Variants in PTPDC1 observed in about 807,000 individuals in gnomAD.
The protein encoded by PTPDC1 is protein tyrosine phosphatase domain-containing protein 1.
In PTPDC1, 53 loss-of-function variants were observed where a neutral mutation model predicts 75.3. That is an observed-to-expected ratio of 0.70 (90% CI 0.56 to 0.88). The LOEUF (loss-of-function observed/expected upper bound fraction) is 0.88. Ranked by LOEUF, PTPDC1 falls within the 40% of genes least tolerant of loss-of-function variation. The pLI, the probability that PTPDC1 is intolerant of heterozygous loss-of-function variation, is 0.00. For missense variants in PTPDC1, 925 were observed against 998.6 expected, an observed-to-expected ratio of 0.93 and a Z score of 0.99; for synonymous variants, 349 against 366.2, an observed-to-expected ratio of 0.95 and a Z score of 0.54.
In PTPDC1 at chr9:94,104,391, T is replaced by C. The variant is rs1488133112; in HGVS notation, c.2310+6T>C. ...CCATTAAGGCATTCACTAAGGTGGG[T>C]CATACTCTTCCTTTCCCCTCTCTGA... On this transcript the variant is annotated splice_donor_region_variant and intron_variant, in intron 8 of 8. Coordinates refer to ENST00000620992, the MANE Select transcript of PTPDC1 (RefSeq NM_001253829.2). The C allele has an allele frequency of 3.2e-6, 5 of 1,579,116 alleles. No homozygotes were observed. The highest frequency in any genetic ancestry group is 4.4e-6 in the Non-Finnish European group (5 of 1,148,966).
At chr9:94,076,799 A>G (rs1161610590) in intron 2 of PTPDC1, among the ~76,000 whole-genome samples, 1 of 152,220 alleles carries the variant, frequency 6.6e-6, no homozygotes, top group Non-Finnish European at 1.5e-5. Context: ...ACCCACCAGC[A>G]GTAGATAAGG....
At chr9:94,101,818 A>T in intron 7 of PTPDC1, 67 bp downstream of exon 7, 1 of 898,206 alleles carries the variant, frequency 1.1e-6, no homozygotes, top group Non-Finnish European at 1.7e-6. Context: ...CAGAAAAAAA[A>T]AATCCATTAT....
chr9:94,070,027 G>T (rs1826458574), intron 2 of PTPDC1, among the ~76,000 whole-genome samples: 1 of 150,614 alleles, frequency 6.6e-6, no homozygotes, highest in Non-Finnish European at 1.5e-5. Flanking sequence ...GGTTTCACCG[G>T]TTAGCCAGGA....
At chr9:94,104,456 G>A in intron 8 of PTPDC1, 71 bp downstream of exon 8, 2 of 985,918 alleles carry the variant, frequency 2.0e-6, no homozygotes, top group Non-Finnish European at 3.2e-6. Flanking sequence ...AGAATCCAGA[G>A]GTCACCGTCC....
chr9:94,047,155 T>G (rs888191177), intron 1 of PTPDC1, among the ~76,000 whole-genome samples: 3 of 152,232 alleles, frequency 2.0e-5, no homozygotes, highest in Non-Finnish European at 4.4e-5. Context: ...ATTTATTGAT[T>G]TGTGTATGTT....
chr9:94,066,876 A>G (rs1208817781), intron 2 of PTPDC1, among the ~76,000 whole-genome samples: 1 of 152,310 alleles, frequency 6.6e-6, no homozygotes, highest in East Asian at 1.9e-4. Context: ...ATTAAAAAAT[A>G]AAAAATAAAA....
intron 2 of PTPDC1, 44 bp from the exon 3 acceptor site, chr9:94,087,787 C>G (rs1021586195): frequency 1.4e-6 from 2 of 1,413,018 alleles, no homozygotes; most frequent in African/African-American, 2.8e-5. Flanking sequence ...ACTGGAACTT[C>G]CTAGGTTTCA....
rs1403672945 is a variant in PTPDC1 at position 94,108,098 on chromosome 9, C to G, written c.*154C>G. On this transcript the variant is annotated 3_prime_UTR_variant, in exon 9 of 9. Coordinates refer to ENST00000620992, the MANE Select transcript of PTPDC1 (RefSeq NM_001253829.2). ...TGAGAATGGTCGTCCGTATTTGAAC[C>G]AATTATTTATTTTAAAATATATTTA... The G allele has an allele frequency of 2.5e-6, 1 of 407,814 alleles. No homozygotes were observed. The highest frequency in any genetic ancestry group is 4.4e-6 in the Non-Finnish European group (1 of 226,830). The allele number at this position is 407,814 out of a possible 1,614,324, so 25.3% of individuals were successfully genotyped here.
chr9:94,108,733 T>A lies in PTPDC1; in HGVS notation c.*789T>A, dbSNP rs1434777170. ...GGTTGCTGCTGAGCCAAATAGCATC[T>A]TTACAGAGGAAGTGGGATCAGAGGC... is the stretch of plus-strand genomic sequence containing the variant. On this transcript the variant is annotated 3_prime_UTR_variant, in exon 9 of 9. Transcript: ENST00000620992. The A allele has an allele frequency of 6.6e-6, 1 of 152,268 alleles. No homozygotes were observed. Among genetic ancestry groups the A allele is most frequent in the African/African-American group, 2.4e-5 (1 of 41,454 alleles). The allele number at this position is 152,268 out of a possible 1,614,324, so 9.4% of individuals were successfully genotyped here.
rs16909677 is a variant in PTPDC1, at chr9:94,098,440, T to A, written c.1874T>A (p.Leu625Gln). 2.9e-3 allele frequency: 4,668 copies of A among 1,614,206 alleles called. 240 individuals carry two copies. The East Asian group carries it at 0.095, about 33-fold the overall frequency. ...VEHETQDSKD[L>Q]SEAASHSALQ... Reference sequence around the variant, plus strand: ...CATGAAACCCAGGACAGTAAAGATCTGTCTGAAGCAGCTTCACACTCTGCA... The same window carrying A: ...CATGAAACCCAGGACAGTAAAGATCAGTCTGAAGCAGCTTCACACTCTGCA... Residue 625 changes from leucine (L) to glutamine (Q), a missense_variant, in exon 6 of 9, where the codon CTG becomes CAG. Coordinates refer to ENST00000620992, the MANE Select transcript of PTPDC1 (RefSeq NM_001253829.2).
intron 1 of PTPDC1, among the ~76,000 whole-genome samples, chr9:94,034,318 G>A (rs1308843269): frequency 6.6e-6 from 1 of 152,142 alleles, no homozygotes; most frequent in Non-Finnish European, 1.5e-5. Context: ...GATCACCTGA[G>A]GTCAGGAGTT....
At chr9:94,049,317 T>C (rs1825713667) in intron 1 of PTPDC1, among the ~76,000 whole-genome samples, 1 of 152,248 alleles carries the variant, frequency 6.6e-6, no homozygotes, top group Admixed American at 6.5e-5. Flanking sequence ...CTTGATGGTC[T>C]TTACAATTTG....
chr9:94,092,467 G>A (rs1440973373), intron 4 of PTPDC1, among the ~76,000 whole-genome samples: 3 of 143,078 alleles, frequency 2.1e-5, no homozygotes, highest in African/African-American at 5.2e-5. Context: ...TATAATTTCT[G>A]TTCTTTTACA....
intron 2 of PTPDC1, among the ~76,000 whole-genome samples, chr9:94,070,647 C>T (rs1826481166): frequency 6.6e-6 from 1 of 152,204 alleles, no homozygotes. Context: ...ATCCCTCCTA[C>T]TTCCTTTATA....
chr9:94,044,929 G>C (rs1425650788), intron 1 of PTPDC1, among the ~76,000 whole-genome samples: 1 of 150,474 alleles, frequency 6.6e-6, no homozygotes, highest in Non-Finnish European at 1.5e-5. Context: ...TGCCATGTTG[G>C]TGTGCTGCAC....
At chr9:94,047,871 G>T (rs1444278654) in intron 1 of PTPDC1, among the ~76,000 whole-genome samples, 2 of 152,146 alleles carry the variant, frequency 1.3e-5, no homozygotes, top group Non-Finnish European at 2.9e-5. Flanking sequence ...AAACCAGGAA[G>T]AAGTTGAATA....
In PTPDC1 at chr9:94,107,342, A is replaced by G. The variant is rs1187566855; in HGVS notation, c.2311-486A>G. ...GGGTATCATTATCTCTGTTTTACAA[A>G]GGAGGAGATCAAGGTCCAGAGAGGT... On this transcript the variant is annotated intron_variant, in intron 8 of 8. Transcript: ENST00000620992. Among the ~76,000 whole-genome samples the G allele has an allele frequency of 3.3e-5, 5 of 152,334 alleles. No homozygotes were observed. In the East Asian group the frequency reaches 9.6e-4, roughly 29 times the overall value.
intron 4 of PTPDC1, among the ~76,000 whole-genome samples, chr9:94,092,902 G>A (rs543751181): frequency 1.6e-3 from 248 of 151,292 alleles, no homozygotes; most frequent in African/African-American, 5.7e-3. Flanking sequence ...GACTAGGATT[G>A]CAACCCCTGC....
chr9:94,107,948 T>C lies in PTPDC1; in HGVS notation c.*4T>C, dbSNP rs535504865. 58 of 1,532,268 alleles carry C rather than the reference T, an allele frequency of 3.8e-5. 2 individuals carry two copies. In the South Asian group the frequency reaches 6.9e-4, roughly 18 times the overall value. 94.9% of individuals were successfully genotyped at this position (1,532,268 alleles called of 1,614,324 possible). A position where few individuals can be genotyped will look rare whatever the true frequency, so the allele number is the denominator to read the frequency against. ...TGGCCCTAAGCCTGGCCTCTAGCTT[T>C]CACTCGTGGTGAATATTTCAGACCT... On this transcript the variant is annotated 3_prime_UTR_variant, in exon 9 of 9. Coordinates refer to ENST00000620992, the MANE Select transcript of PTPDC1 (RefSeq NM_001253829.2).
Sources: gnomAD v4.1 joint callset for allele counts (sites outside exome capture counted in the v4.1 genomes callset) on GRCh38, gnomAD v4.1.1 for gene constraint, MANE v1.5 for transcripts, NCBI Gene and HGNC (gene_info 2026-07-23, HGNC 2026-07-21) for gene names.